Variants in IGF2BP1 observed in about 807,000 individuals in gnomAD.
IGF2BP1 encodes insulin-like growth factor 2 mRNA-binding protein 1.
Under a neutral mutation model 74.9 loss-of-function variants are expected in IGF2BP1, and 11 were observed. The observed-to-expected ratio is 0.15, with a 90% CI of 0.09 to 0.24. The LOEUF is 0.24. Among genes scored for constraint, IGF2BP1 ranks in the 10% least tolerant of loss-of-function variants. The probability of loss-of-function intolerance (pLI) is 1.00; values close to 1 mark genes in which losing one functional copy is unlikely to be tolerated. For missense variants in IGF2BP1, 440 were observed against 757.4 expected (o/e 0.58, Z 4.92); for synonymous variants, 287 against 281.8 (o/e 1.02, Z -0.18).
In IGF2BP1 at chr17:49,040,065, G is replaced by C. The variant is rs757116350; in HGVS notation, c.792G>C (p.Met264Ile). 6.2e-7 allele frequency: 1 copy of C among 1,614,032 alleles called. No individual in the cohort carries two copies. Among genetic ancestry groups the C allele is most frequent in the African/African-American group, 1.3e-5 (1 of 74,932 alleles). The change falls in exon 7 of 15, where the codon ATG (methionine) becomes ATC (isoleucine). Residue 264 changes from methionine (M) to isoleucine (I), a missense_variant. This residue lies in a region of IGF2BP1 where 184 missense variants were observed against 273.4 expected (regional missense o/e 0.67). Transcript: ENST00000290341. ...SSACKMILEI[M>I]HKEAKDTKTA... ...CTTGTAAGATGATCTTGGAGATTAT[G>C]CATAAAGAGGCTAAGGACACCAAAA...
intron 2 of IGF2BP1, among the ~76,000 whole-genome samples, 177 bp from the exon 3 acceptor site, chr17:49,025,441 C>CG (rs1320481899): frequency 6.6e-6 from 1 of 151,438 alleles, no homozygotes; most frequent in African/African-American, 2.4e-5. Context: ...GTCTCTAAAG[C>CG]GGGTACCCCT....
In IGF2BP1 at chr17:49,055,614, G is replaced by A. The variant is rs1291142604; in HGVS notation, c.*6170G>A. The A allele has an allele frequency of 2.5e-6, 1 of 398,502 alleles. No individual in the cohort carries two copies. Among genetic ancestry groups the A allele is most frequent in the East Asian group, 3.6e-5 (1 of 28,094 alleles). 24.7% of individuals were successfully genotyped at this position (398,502 alleles called of 1,614,324 possible). ...TTCAAAATGAATTTCAGCAGATTAT[G>A]TGTTACCATAATGAATAAACGTCCT... is the stretch of plus-strand genomic sequence containing the variant. On this transcript the variant is annotated 3_prime_UTR_variant, in exon 15 of 15. Transcript: ENST00000290341.
rs1567827448 is a variant in IGF2BP1 at position 49,043,979 on chromosome 17, CAGG to C, written c.1216_1218del (p.Glu406del). The C allele has an allele frequency of 6.2e-7, 1 of 1,613,898 alleles. No individual in the cohort carries two copies. The highest frequency in any genetic ancestry group is 8.5e-7 in the Non-Finnish European group (1 of 1,179,946). Reference sequence around the variant, plus strand: ...CCTATCCTGGCAGCAGGCTCCCGAGCAGGAGATGGTGCAGGTGTTTATCCCCGC... The same window carrying C: ...CCTATCCTGGCAGCAGGCTCCCGAGCAGATGGTGCAGGTGTTTATCCCCGC... On this transcript the variant is annotated inframe_deletion, in exon 11 of 15. Coordinates refer to ENST00000290341, the MANE Select transcript of IGF2BP1 (RefSeq NM_006546.4).
rs551068014 is a variant in IGF2BP1, at chr17:49,012,784, A to T, written c.237-12834A>T. Among the ~76,000 whole-genome samples, 22 of 152,118 alleles carry T rather than the reference A, an allele frequency of 1.4e-4. No individual in the cohort carries two copies. In the South Asian group the frequency reaches 4.4e-3, roughly 30 times the overall value. ...GGTCTCCCTCTGTCGCCCAGGGTGG[A>T]GTGTAGTGGCATGATCGCAACTCAC... is the stretch of plus-strand genomic sequence containing the variant. On this transcript the variant is annotated intron_variant, in intron 2 of 14. Transcript: ENST00000290341.
At chr17:49,027,477 A>C (rs2041871164) in intron 4 of IGF2BP1, among the ~76,000 whole-genome samples, 1 of 152,178 alleles carries the variant, frequency 6.6e-6, no homozygotes, top group Non-Finnish European at 1.5e-5. Context: ...TTTATTACTT[A>C]GTTAATGTAG....
chr17:48,999,511 G>A (rs1210309322), intron 2 of IGF2BP1, among the ~76,000 whole-genome samples: 1 of 152,000 alleles, frequency 6.6e-6, no homozygotes, highest in African/African-American at 2.4e-5. Context: ...AATCTTTGAA[G>A]AGTTCAGACT....
intron 7 of IGF2BP1, among the ~76,000 whole-genome samples, chr17:49,041,045 G>A (rs930338039): frequency 3.3e-5 from 5 of 152,076 alleles, no homozygotes; most frequent in African/African-American, 4.8e-5. Context: ...TGGACGTGGC[G>A]GCCTGTGCGT....
intron 5 of IGF2BP1, among the ~76,000 whole-genome samples, chr17:49,034,258 C>T (rs1198481793): frequency 1.3e-5 from 2 of 151,678 alleles, no homozygotes; most frequent in African/African-American, 4.8e-5. Flanking sequence ...TACTGGACTA[C>T]AGGTGTCTGC....
At chr17:49,014,544 G>A (rs2041667461) in intron 2 of IGF2BP1, among the ~76,000 whole-genome samples, 1 of 152,050 alleles carries the variant, frequency 6.6e-6, no homozygotes, top group Non-Finnish European at 1.5e-5. Flanking sequence ...CCTCCACAGA[G>A]AGGGCACTTG....
At chr17:49,030,141 CTTTT>C (rs35530909) in intron 4 of IGF2BP1, among the ~76,000 whole-genome samples, 2 of 120,760 alleles carry the variant, frequency 1.7e-5, no homozygotes, top group African/African-American at 3.3e-5. Context: ...TTTAGCTGGA[CTTTT>C]TTTTTTTTTT....
At chr17:49,015,559 C>T (rs1275947059) in intron 2 of IGF2BP1, among the ~76,000 whole-genome samples, 1 of 152,218 alleles carries the variant, frequency 6.6e-6, no homozygotes, top group Non-Finnish European at 1.5e-5. Context: ...CGTTGGGTCA[C>T]CTCTTTTCTA....
At chr17:49,001,321 A>G (rs191450630) in intron 2 of IGF2BP1, among the ~76,000 whole-genome samples, 2 of 152,296 alleles carry the variant, frequency 1.3e-5, no homozygotes, top group East Asian at 1.9e-4. Flanking sequence ...AAAATGAACA[A>G]CTATACAAAT....
chr17:49,039,281 T>C (rs2042022863), intron 6 of IGF2BP1, among the ~76,000 whole-genome samples: 1 of 152,172 alleles, frequency 6.6e-6, no homozygotes, highest in Non-Finnish European at 1.5e-5. Context: ...TTTGGGGCAC[T>C]GTGTCTTCTC....
chr17:49,044,871 C>T (rs1198373392), intron 11 of IGF2BP1, 120 bp from the exon 12 acceptor site: 1 of 806,164 alleles, frequency 1.2e-6, no homozygotes, highest in African/African-American at 1.7e-5. Flanking sequence ...GTTCTTCCTC[C>T]CCTAAGTCTT....
intron 2 of IGF2BP1, among the ~76,000 whole-genome samples, chr17:49,019,949 TTTATATAC>T (rs1157478217): frequency 4.5e-4 from 16 of 35,340 alleles, no homozygotes; most frequent in African/African-American, 2.2e-3. Context: ...TATATATATA[TTTATATAC>T]ACACACACAC....
chr17:49,019,947 TA>T (rs2041765941), intron 2 of IGF2BP1, among the ~76,000 whole-genome samples: 1 of 37,842 alleles, frequency 2.6e-5, no homozygotes, highest in Non-Finnish European at 5.2e-5. Context: ...TATATATATA[TA>T]TTTATATACA....
intron 2 of IGF2BP1, among the ~76,000 whole-genome samples, chr17:49,015,390 A>G (rs1003215277): frequency 6.6e-6 from 1 of 151,636 alleles, no homozygotes. Context: ...CCTGCCCCCC[A>G]CCTTTCCCTC....
intron 4 of IGF2BP1, among the ~76,000 whole-genome samples, chr17:49,030,750 C>T (rs1158310397): frequency 6.6e-6 from 1 of 152,038 alleles, no homozygotes; most frequent in African/African-American, 2.4e-5. Context: ...CCTCAGCCTC[C>T]CAAGTAGCTG....
At chr17:49,033,900 GC>G (rs1413587951) in intron 5 of IGF2BP1, among the ~76,000 whole-genome samples, 2 of 151,864 alleles carry the variant, frequency 1.3e-5, no homozygotes, top group Non-Finnish European at 2.9e-5. Context: ...GCTCATTGCA[GC>G]TTTAACTTCC....
Sources: allele counts gnomAD v4.1 joint callset (sites outside exome capture counted in the v4.1 genomes callset), GRCh38; gene constraint gnomAD v4.1.1; regional missense constraint gnomAD v4.1.1; transcripts MANE v1.5; gene names NCBI Gene and HGNC (gene_info 2026-07-23, HGNC 2026-07-21).